The following RBFOX1 variants were observed in gnomAD, a reference collection of about 807,000 sequenced individuals.
RBFOX1 encodes the protein RNA binding fox-1 homolog 1, also known as RNA binding protein fox-1 homolog 1.
In RBFOX1, 8 loss-of-function variants were observed where a neutral mutation model predicts 57.7. That is an observed-to-expected ratio of 0.14 (90% confidence interval 0.08 to 0.25). The LOEUF (loss-of-function observed/expected upper bound fraction) is 0.25. Ranked by LOEUF, RBFOX1 falls within the 10% of genes least tolerant of loss-of-function variation. The probability of loss-of-function intolerance (pLI) is 1.00; values close to 1 mark genes in which losing one functional copy is unlikely to be tolerated. For synonymous variants in RBFOX1, 326 were observed against 222.4 expected, an observed-to-expected ratio of 1.47 and a Z score of -4.15; for missense variants, 611 against 548.5, an observed-to-expected ratio of 1.11 and a Z score of -1.14.
intron 4 of RBFOX1, among the ~76,000 whole-genome samples, chr16:5,891,667 C>T (rs935939159): frequency 6.6e-5 from 10 of 152,182 alleles, no homozygotes; most frequent in Admixed American, 2.0e-4. Context: ...GGCCATGTGC[C>T]TAGGAAGAGC....
chr16:6,663,304 C>G (rs1290217278), intron 3 of RBFOX1, among the ~76,000 whole-genome samples: 1 of 152,104 alleles, frequency 6.6e-6, no homozygotes, highest in East Asian at 1.9e-4. Context: ...TAGTTTGCTG[C>G]CGTGAGGAAG....
Position 5,945,011 on chromosome 16 carries a change from G to GAGAGAA in RBFOX1, c.351+77678_351+77683dup, listed in dbSNP as rs2059371457. Among the ~76,000 whole-genome samples, 3 of 139,894 alleles carry GAGAGAA rather than the reference G, an allele frequency of 2.1e-5. No individual in the cohort carries two copies. The South Asian group carries it at 7.3e-4, about 34-fold the overall frequency. The allele number at this position is 139,894 out of a possible 152,430, so 91.8% of individuals were successfully genotyped here. On this transcript the variant is annotated intron_variant, in intron 4 of 19. Coordinates refer to the RBFOX1 transcript ENST00000641259. ...AAAGAGAGAGAGAGAGAGAGAAAGA[G>GAGAGAA]AGAGAAAACCATTCTCACCTCCCTT...
chr16:6,702,133 C>G (rs192779215), intron 3 of RBFOX1, among the ~76,000 whole-genome samples: 1 of 152,208 alleles, frequency 6.6e-6, no homozygotes, highest in South Asian at 2.1e-4. Flanking sequence ...GTAAATCACT[C>G]ATTACAGCAG....
At chr16:6,769,727 G>C (rs1206786015) in intron 3 of RBFOX1, among the ~76,000 whole-genome samples, 1 of 152,144 alleles carries the variant, frequency 6.6e-6, no homozygotes, top group East Asian at 1.9e-4. Context: ...CTTGATCTTG[G>C]CTGATAATTT....
chr16:6,276,891 T>C (rs1485871068), intron 1 of RBFOX1, among the ~76,000 whole-genome samples: 1 of 152,192 alleles, frequency 6.6e-6, no homozygotes, highest in Non-Finnish European at 1.5e-5. Flanking sequence ...GCTCATTTTA[T>C]TTTGTGCTTT....
intron 2 of RBFOX1, among the ~76,000 whole-genome samples, chr16:5,590,510 G>A (rs1567267838): frequency 6.6e-6 from 1 of 152,198 alleles, no homozygotes; most frequent in Non-Finnish European, 1.5e-5. Context: ...AAGCCTCGGT[G>A]TCATTATGAT....
At chr16:7,143,816 A>G (rs1182555260) in intron 4 of RBFOX1, among the ~76,000 whole-genome samples, 3 of 152,168 alleles carry the variant, frequency 2.0e-5, no homozygotes, top group Non-Finnish European at 4.4e-5. Flanking sequence ...GCTTATACAC[A>G]GTATATCTTA....
At chr16:5,843,963 G>A (rs1183567454) in intron 3 of RBFOX1, among the ~76,000 whole-genome samples, 5 of 152,192 alleles carry the variant, frequency 3.3e-5, no homozygotes, top group African/African-American at 1.2e-4. Context: ...TTTCCCTAGA[G>A]GGGAGAACAT....
chr16:6,992,034 G>C (rs1320607746), intron 3 of RBFOX1, among the ~76,000 whole-genome samples: 1 of 152,176 alleles, frequency 6.6e-6, no homozygotes, highest in Non-Finnish European at 1.5e-5. Context: ...ACTATTGTCA[G>C]AGTGTGGTCC....
intron 2 of RBFOX1, among the ~76,000 whole-genome samples, chr16:5,584,425 C>G (rs1262863947): frequency 6.6e-6 from 1 of 152,224 alleles, no homozygotes; most frequent in African/African-American, 2.4e-5. Context: ...TTTTGCCAGA[C>G]TTCTTGATGT....
rs2057079002 is a variant in RBFOX1 at position 7,609,831 on chromosome 16, G to C, written c.676+2493G>C. Among the ~76,000 whole-genome samples the C allele has an allele frequency of 1.3e-5, 2 of 151,622 alleles. 1 individual carries two copies. Among genetic ancestry groups the C allele is most frequent in the Admixed American group, 1.3e-4 (2 of 15,216 alleles). Reference sequence around the variant, plus strand: ...TGTTTGTTTGTTTGTTTGTTTGTTTGTTTTGAGATGGAGTTTTGCTCTGTC... The same window carrying C: ...TGTTTGTTTGTTTGTTTGTTTGTTTCTTTTGAGATGGAGTTTTGCTCTGTC... On this transcript the variant is annotated intron_variant, in intron 10 of 15. Coordinates refer to ENST00000550418, the MANE Select transcript of RBFOX1 (RefSeq NM_018723.4).
At chr16:7,177,205 A>C (rs79485382) in intron 4 of RBFOX1, among the ~76,000 whole-genome samples, 3,058 of 152,294 alleles carry the variant, frequency 0.02, 107 homozygotes, top group African/African-American at 0.069. Context: ...GCGACAATAC[A>C]ACCGCTTCCA....
At chr16:6,791,904 C>G (rs766773159) in intron 3 of RBFOX1, among the ~76,000 whole-genome samples, 1 of 152,106 alleles carries the variant, frequency 6.6e-6, no homozygotes, top group African/African-American at 2.4e-5. Context: ...GTTAAGTTAT[C>G]TAACACAGAG....
chr16:6,849,632 G>C (rs1415061704), intron 3 of RBFOX1, among the ~76,000 whole-genome samples: 1 of 152,118 alleles, frequency 6.6e-6, no homozygotes, highest in African/African-American at 2.4e-5. Flanking sequence ...TTGTACCACT[G>C]TACTGCAGCC....
chr16:7,287,480 G>A (rs1325680554), intron 4 of RBFOX1, among the ~76,000 whole-genome samples: 1 of 152,168 alleles, frequency 6.6e-6, no homozygotes, highest in Non-Finnish European at 1.5e-5. Context: ...CTGATCCTTG[G>A]TGGACCAAGC....
chr16:5,644,256 C>T (rs1420136049), intron 3 of RBFOX1, among the ~76,000 whole-genome samples: 2 of 152,022 alleles, frequency 1.3e-5, no homozygotes, highest in Admixed American at 6.5e-5. Context: ...TAGGTTAAGG[C>T]TGTATATGAA....
chr16:5,856,486 G>C (rs528201395), intron 3 of RBFOX1, among the ~76,000 whole-genome samples: 1 of 132,558 alleles, frequency 7.5e-6, no homozygotes, highest in South Asian at 2.5e-4. Context: ...CTTATCCTAC[G>C]TAACTGAAAT....
At chr16:5,366,839 G>A (rs1332281080) in intron 1 of RBFOX1, among the ~76,000 whole-genome samples, 1 of 152,176 alleles carries the variant, frequency 6.6e-6, no homozygotes, top group Non-Finnish European at 1.5e-5. Context: ...CCAAGAATGT[G>A]TTGTCCAAAA....
At chr16:5,842,526 GTTCATTCATGTA>G (rs900048002) in intron 3 of RBFOX1, among the ~76,000 whole-genome samples, 1 of 152,124 alleles carries the variant, frequency 6.6e-6, no homozygotes, top group African/African-American at 2.4e-5. Context: ...TGCTGCAGGT[GTTCATTCATGTA>G]TTCATTCATT....
Sources: allele counts gnomAD v4.1 joint callset (sites outside exome capture counted in the v4.1 genomes callset), GRCh38; gene constraint gnomAD v4.1.1; transcripts MANE v1.5; gene names NCBI Gene and HGNC (gene_info 2026-07-23, HGNC 2026-07-21).